Variants in COPS4 observed in about 807,000 individuals in gnomAD.
COPS4 encodes COP9 signalosome complex subunit 4.
COPS4 carries 8 observed loss-of-function variants against 55.1 expected under a neutral mutation model. The observed-to-expected ratio is 0.15, with a 90% CI of 0.09 to 0.26. The LOEUF (loss-of-function observed/expected upper bound fraction) is 0.26, where lower values mean the gene tolerates loss of function less well. COPS4 is among the 10% of genes least tolerant of loss of function. The pLI, the probability that COPS4 is intolerant of heterozygous loss-of-function variation, is 1.00. For synonymous variants in COPS4, 185 were observed against 165.7 expected, an observed-to-expected ratio of 1.12 and a Z score of -0.90; for missense variants, 248 against 484.0, an observed-to-expected ratio of 0.51 and a Z score of 4.58.
At position 83,064,869 on chromosome 4, in the gene COPS4, CTTTTTTTTTTTTT is replaced by C. The variant is rs140166684; in HGVS notation, c.887-1550_887-1538del. Among the ~76,000 whole-genome samples the C allele has an allele frequency of 6.1e-3, 448 of 73,690 alleles. 1 individual carries two copies. Among genetic ancestry groups the C allele is most frequent in the African/African-American group, 0.024 (406 of 16,822 alleles). 48.3% of individuals were successfully genotyped at this position (73,690 alleles called of 152,430 possible). A position where few individuals can be genotyped will look rare whatever the true frequency, so the allele number is the denominator to read the frequency against. On this transcript the variant is annotated intron_variant, in intron 7 of 9. Coordinates refer to ENST00000264389, the MANE Select transcript of COPS4 (RefSeq NM_016129.3). ...GCCACTGTGCCTGGTTAAGCAGTCC[CTTTTTTTTTTTTT>C]TTTTTTTTTTTTTTTTTTACTTTTT...
intron 4 of COPS4, among the ~76,000 whole-genome samples, 171 bp downstream of exon 4, chr4:83,050,155 G>A (rs910387773): frequency 6.6e-6 from 1 of 152,176 alleles, no homozygotes; most frequent in African/African-American, 2.4e-5. Context: ...GCAAAGCGGG[G>A]ACAGGTTGTA....
chr4:83,067,454 G>A (rs946333863), intron 8 of COPS4, among the ~76,000 whole-genome samples: 3 of 150,648 alleles, frequency 2.0e-5, no homozygotes, highest in African/African-American at 7.3e-5. Context: ...TCAAATTCCT[G>A]ACCTTATGAT....
In COPS4 at chr4:83,057,379, C is replaced by G; in HGVS notation, c.686C>G (p.Ala229Gly). 1 of 1,607,798 alleles carries G rather than the reference C, an allele frequency of 6.2e-7. No individual in the cohort carries two copies. Among genetic ancestry groups the G allele is most frequent in the Non-Finnish European group, 8.5e-7 (1 of 1,177,944 alleles). ...ESERLEALKH[A>G]LHCTILASAG... ...GAAAGACTAGAGGCCTTAAAACATG[C>G]TTTGCACTGTACGATCTTAGCATCA... Residue 229 changes from alanine to glycine, a missense_variant, in exon 6 of 10, where the codon GCT becomes GGT. Transcript: ENST00000264389.
rs1425707752 is a variant in COPS4 at position 83,063,234 on chromosome 4, A to G, written c.874A>G (p.Thr292Ala). The G allele has an allele frequency of 2.5e-6, 4 of 1,612,976 alleles. No homozygotes were observed. Among genetic ancestry groups the G allele is most frequent in the East Asian group, 2.2e-5 (1 of 44,838 alleles). Residue 292 changes from threonine to alanine, a missense_variant, in exon 7 of 10, where the codon ACT becomes GCT. By Grantham distance (58) the Thr-to-Ala change is moderately conservative. Around this residue, in one of 4 missense-constraint regions of COPS4, gnomAD observed 155 missense variants for 326.6 expected, o/e 0.47. Coordinates refer to ENST00000264389, the MANE Select transcript of COPS4 (RefSeq NM_016129.3). The part of the protein sequence containing the change: ...AAMLMPHQKA[T>A]TADGSSILDR... ...CATGCTGATGCCTCACCAAAAAGCA[A>G]CTACAGCTGATGGTAATGATCCTGT...
At chr4:83,045,577 A>C in intron 1 of COPS4, 49 bp from the exon 2 acceptor site, 4 of 1,412,676 alleles carry the variant, frequency 2.8e-6, no homozygotes, top group Non-Finnish European at 4.0e-6. Flanking sequence ...AGTTTGCATT[A>C]GAAAATATAG....
At chr4:83,035,848 C>T (rs1272940050) in intron 1 of COPS4, 2 of 155,662 alleles carry the variant, frequency 1.3e-5, no homozygotes, top group Admixed American at 6.2e-5. Context: ...GGTATTTTCT[C>T]TGCCACCAAC....
intron 7 of COPS4, among the ~76,000 whole-genome samples, chr4:83,065,433 AAAAC>A: frequency 6.6e-6 from 1 of 152,190 alleles, no homozygotes; most frequent in African/African-American, 2.4e-5. Flanking sequence ...AGTTAAGTGA[AAAAC>A]TAGCAGATCG....
chr4:83,047,976 G>A (rs1364683118), intron 2 of COPS4, among the ~76,000 whole-genome samples: 1 of 151,122 alleles, frequency 6.6e-6, no homozygotes, highest in Non-Finnish European at 1.5e-5. Context: ...ACTCCAGCCT[G>A]GGCGACAGAG....
At position 83,043,537 on chromosome 4, in the gene COPS4, A is replaced by C. The variant is rs980067583; in HGVS notation, c.75-2089A>C. 2.3e-4 allele frequency among the ~76,000 whole-genome samples: 34 copies of C among 150,340 alleles called. No individual in the cohort carries two copies. The East Asian group carries it at 3.9e-3, about 17-fold the overall frequency. On this transcript the variant is annotated intron_variant, in intron 1 of 9. Transcript: ENST00000264389. ...CTGTCTCAAAAAAAAAAAAAAAAAA[A>C]AAAAAAAAACCATAACAACCACAAA...
intron 9 of COPS4, chr4:83,073,136 G>A (rs1731480777): frequency 3.9e-6 from 2 of 515,848 alleles, no homozygotes; most frequent in Non-Finnish European, 7.1e-6. Flanking sequence ...CTAGTTTCAC[G>A]ACATTTTCAT....
At chr4:83,066,999 A>G (rs1731306779) in intron 8 of COPS4, among the ~76,000 whole-genome samples, 1 of 152,156 alleles carries the variant, frequency 6.6e-6, no homozygotes, top group South Asian at 2.1e-4. Flanking sequence ...ATAAACCTTA[A>G]AAGTCGTGCA....
chr4:83,048,623 T>A (rs1050593937), intron 2 of COPS4, among the ~76,000 whole-genome samples: 9 of 152,140 alleles, frequency 5.9e-5, no homozygotes, highest in South Asian at 4.1e-4. Flanking sequence ...TACTGTTTTT[T>A]AAGATTTTTT....
chr4:83,063,566 C>T (rs1731226423), intron 7 of COPS4, among the ~76,000 whole-genome samples: 1 of 151,384 alleles, frequency 6.6e-6, no homozygotes, highest in Non-Finnish European at 1.5e-5. Flanking sequence ...CGCCACCACG[C>T]CTGGCTAATT....
At chr4:83,071,243 C>G (rs946814240) in intron 9 of COPS4, among the ~76,000 whole-genome samples, 1 of 152,186 alleles carries the variant, frequency 6.6e-6, no homozygotes, top group African/African-American at 2.4e-5. Flanking sequence ...CATCCAACAT[C>G]TGTTCCAGTG....
At chr4:83,057,188 G>A in intron 5 of COPS4, 70 bp from the exon 6 acceptor site, 1 of 1,503,506 alleles carries the variant, frequency 6.7e-7, no homozygotes, top group Non-Finnish European at 9.0e-7. Flanking sequence ...TTGTTTCTCT[G>A]TTTTGTTTTG....
chr4:83,058,314 C>T (rs1409387254), intron 6 of COPS4, among the ~76,000 whole-genome samples: 1 of 152,150 alleles, frequency 6.6e-6, no homozygotes, highest in African/African-American at 2.4e-5. Flanking sequence ...ATCTCCTGGG[C>T]TCAAGTGATC....
chr4:83,038,791 GCCACCACA>G (rs1296050172), intron 1 of COPS4, among the ~76,000 whole-genome samples: 9 of 152,086 alleles, frequency 5.9e-5, no homozygotes, highest in Admixed American at 5.2e-4. Flanking sequence ...ACAGGTGCAT[GCCACCACA>G]CCCGACTACT....
chr4:83,060,141 A>G (rs886214785), intron 6 of COPS4, among the ~76,000 whole-genome samples: 6 of 152,008 alleles, frequency 3.9e-5, no homozygotes, highest in Non-Finnish European at 8.8e-5. Context: ...ATTTTCAGGT[A>G]ATTGTGGATA....
chr4:83,044,644 G>A (rs568850276), intron 1 of COPS4, among the ~76,000 whole-genome samples: 5 of 149,538 alleles, frequency 3.3e-5, no homozygotes, highest in Admixed American at 1.3e-4. Context: ...GCGTGGTGGC[G>A]CATGCCTGTA....
Sources: allele counts gnomAD v4.1 joint callset (sites outside exome capture counted in the v4.1 genomes callset), GRCh38; gene constraint gnomAD v4.1.1; regional missense constraint gnomAD v4.1.1; transcripts MANE v1.5; gene names NCBI Gene and HGNC (gene_info 2026-07-23, HGNC 2026-07-21).